The following DAB1 variants were observed in gnomAD, a reference collection of about 807,000 sequenced individuals.
DAB1 encodes DAB adaptor protein 1, also known as disabled homolog 1.
DAB1 carries 15 observed loss-of-function variants against 64.6 expected under a neutral mutation model. That is an observed-to-expected ratio of 0.23 (90% CI 0.16 to 0.36). The LOEUF (loss-of-function observed/expected upper bound fraction) is 0.36, where lower values mean the gene tolerates loss of function less well. Ranked by LOEUF, DAB1 falls within the 10% of genes least tolerant of loss-of-function variation. The pLI is 1.00. For synonymous variants in DAB1, 235 were observed against 251.9 expected (o/e 0.93, Z 0.64); for missense variants, 596 against 706.7 (o/e 0.84, Z 1.78).
At chr1:57,177,874 T>C (rs1223944102) in intron 2 of DAB1, among the ~76,000 whole-genome samples, 3 of 152,150 alleles carry the variant, frequency 2.0e-5, no homozygotes, top group Non-Finnish European at 2.9e-5. Context: ...AAAATCACAA[T>C]ATAGGCATAA....
intron 9 of DAB1, among the ~76,000 whole-genome samples, chr1:57,036,076 C>A (rs1647139517): frequency 6.6e-6 from 1 of 151,408 alleles, no homozygotes; most frequent in South Asian, 2.1e-4. Flanking sequence ...CTCCTGACCT[C>A]AGCCTTCCTC....
At chr1:57,585,338 G>C (rs984214207) in intron 7 of DAB1, among the ~76,000 whole-genome samples, 2 of 147,318 alleles carry the variant, frequency 1.4e-5, no homozygotes, top group African/African-American at 5.0e-5. Context: ...AACAAAGTTA[G>C]ATTTTTAAAG....
chr1:57,217,644 G>C (rs1666527989), intron 2 of DAB1, among the ~76,000 whole-genome samples: 2 of 152,114 alleles, frequency 1.3e-5, no homozygotes, highest in South Asian at 4.1e-4. Flanking sequence ...TAGGTGACTG[G>C]AACCACAGGG....
intron 7 of DAB1, among the ~76,000 whole-genome samples, chr1:57,446,377 C>A (rs1475792935): frequency 6.6e-6 from 1 of 152,016 alleles, no homozygotes; most frequent in Non-Finnish European, 1.5e-5. Context: ...GTGGGCAGAT[C>A]ACCTGAGGTC....
intron 4 of DAB1, among the ~76,000 whole-genome samples, chr1:57,081,572 A>G (rs1652559908): frequency 6.6e-6 from 1 of 150,572 alleles, no homozygotes; most frequent in Non-Finnish European, 1.5e-5. Flanking sequence ...TTCTAGTTAC[A>G]TAAATAAATT....
At chr1:57,028,663 T>C (rs910138513) in intron 9 of DAB1, among the ~76,000 whole-genome samples, 6 of 152,154 alleles carry the variant, frequency 3.9e-5, no homozygotes, top group Non-Finnish European at 7.3e-5. Flanking sequence ...TGGTCTCAGA[T>C]AGAGATGAGG....
chr1:57,759,141 G>A lies in DAB1; in HGVS notation n.552-109476C>T, dbSNP rs184656465. Among the ~76,000 whole-genome samples, 209 of 152,184 alleles carry A rather than the reference G, an allele frequency of 1.4e-3. 1 individual carries two copies. Among genetic ancestry groups the A allele is most frequent in the African/African-American group, 4.9e-3 (204 of 41,566 alleles). ...CTGATACCCAGCCAGGAAAATGATA[G>A]TTATAGACAAGCAGGTGGCAGTTTC... On this transcript the variant is annotated intron_variant and non_coding_transcript_variant, in intron 6 of 20. Coordinates refer to the DAB1 transcript ENST00000485760.
Position 57,697,616 on chromosome 1 carries a change from A to G in DAB1, n.552-47951T>C, listed in dbSNP as rs1309450693. On this transcript the variant is annotated intron_variant and non_coding_transcript_variant, in intron 6 of 20. Transcript: ENST00000485760. ...GACCTAAGATAATACAGACTTACTG[A>G]ATTTAAAGATTTGGAGGAAAATTAA... Among the ~76,000 whole-genome samples the G allele has an allele frequency of 2.0e-5, 3 of 152,136 alleles. No individual in the cohort carries two copies. The East Asian group carries it at 5.8e-4, about 29-fold the overall frequency.
chr1:58,164,836 C>T (rs1655737293), intron 4 of DAB1, among the ~76,000 whole-genome samples: 1 of 152,156 alleles, frequency 6.6e-6, no homozygotes, highest in Non-Finnish European at 1.5e-5. Context: ...GAGCTCCTTT[C>T]AGCATCTGCT....
chr1:57,513,147 CTT>C (rs11337217), intron 7 of DAB1, among the ~76,000 whole-genome samples: 30 of 150,456 alleles, frequency 2.0e-4, no homozygotes, highest in East Asian at 5.9e-4. Context: ...AAAATATCCA[CTT>C]TTTTTTTTTC....
At chr1:57,188,693 A>G (rs1398311376) in intron 2 of DAB1, among the ~76,000 whole-genome samples, 1 of 152,104 alleles carries the variant, frequency 6.6e-6, no homozygotes, top group African/African-American at 2.4e-5. Flanking sequence ...GTTTTCTCCC[A>G]TTTTGTTTTA....
At chr1:58,107,270 C>T (rs1651703735) in intron 5 of DAB1, among the ~76,000 whole-genome samples, 1 of 145,484 alleles carries the variant, frequency 6.9e-6, no homozygotes, top group African/African-American at 2.6e-5. Flanking sequence ...ATCAGCTTGG[C>T]TAACATGATG....
rs58761251 is a variant in DAB1, at chr1:57,783,106, C to CTTTT, written n.551+100889_551+100892dup. On this transcript the variant is annotated intron_variant and non_coding_transcript_variant, in intron 6 of 20. Coordinates refer to the DAB1 transcript ENST00000485760. ...TTCTTTCTCTCTCTCTCTCTCTTTT[C>CTTTT]TTTTTTTTTTTTTTTTTTACAGGGT... 4.9e-3 allele frequency among the ~76,000 whole-genome samples: 492 copies of CTTTT among 99,878 alleles called. 25 individuals are homozygous for CTTTT. The South Asian group carries it at 0.072, about 15-fold the overall frequency. The allele number at this position is 99,878 out of a possible 152,430, so 65.5% of individuals were successfully genotyped here.
At chr1:57,276,623 AG>A (rs1277753687) in intron 2 of DAB1, among the ~76,000 whole-genome samples, 4 of 152,166 alleles carry the variant, frequency 2.6e-5, no homozygotes. Context: ...CTTTCACGGG[AG>A]GATAGGGTAG....
At chr1:57,641,466 C>G (rs1181000562) in intron 7 of DAB1, among the ~76,000 whole-genome samples, 1 of 144,814 alleles carries the variant, frequency 6.9e-6, no homozygotes, top group Non-Finnish European at 1.5e-5. Flanking sequence ...TCACTGCAAG[C>G]TCCGCTGCTG....
At chr1:58,525,770 T>A (rs11807046) in intron 2 of DAB1, among the ~76,000 whole-genome samples, 5 of 151,966 alleles carry the variant, frequency 3.3e-5, no homozygotes, top group Non-Finnish European at 7.4e-5. Context: ...TCAAATCAAT[T>A]CTGCAGAACA....
chr1:58,422,460 G>C (rs1191592226), intron 3 of DAB1, among the ~76,000 whole-genome samples: 3 of 151,956 alleles, frequency 2.0e-5, no homozygotes, highest in African/African-American at 7.3e-5. Flanking sequence ...TGGTTGTTCA[G>C]GAATAAACTC....
chr1:57,512,583 C>T (rs1644417630), intron 7 of DAB1, among the ~76,000 whole-genome samples: 1 of 152,222 alleles, frequency 6.6e-6, no homozygotes, highest in Non-Finnish European at 1.5e-5. Context: ...CCAGCAATTA[C>T]TCCAGAAGCT....
At chr1:57,621,641 T>C (rs566232179) in intron 7 of DAB1, among the ~76,000 whole-genome samples, 131 of 152,222 alleles carry the variant, frequency 8.6e-4, no homozygotes, top group African/African-American at 3.0e-3. Flanking sequence ...GGATCTGGCA[T>C]GTGATCCAGC....
Sources: allele counts gnomAD v4.1 joint callset (sites outside exome capture counted in the v4.1 genomes callset), GRCh38; gene constraint gnomAD v4.1.1; transcripts MANE v1.5; gene names NCBI Gene and HGNC (gene_info 2026-07-23, HGNC 2026-07-21).